PPP2R2B: variants seen among roughly 807,000 people sequenced by gnomAD.
PPP2R2B encodes serine/threonine-protein phosphatase 2A 55 kDa regulatory subunit B beta isoform.
In PPP2R2B, 5 loss-of-function variants were observed where a neutral mutation model predicts 46.0. The ratio of observed to expected loss-of-function variants is 0.11; its 90% confidence interval spans 0.06 to 0.23. The LOEUF is 0.23. PPP2R2B is among the 10% of genes least tolerant of loss of function. PPP2R2B has a pLI of 1.00. For missense variants in PPP2R2B, 367 were observed against 575.0 expected, an observed-to-expected ratio of 0.64 and a Z score of 3.70; for synonymous variants, 215 against 206.7, an observed-to-expected ratio of 1.04 and a Z score of -0.34.
intron 2 of PPP2R2B, among the ~76,000 whole-genome samples, chr5:146,866,521 A>C (rs1039284257): frequency 5.9e-5 from 9 of 152,220 alleles, no homozygotes; most frequent in African/African-American, 2.2e-4. Context: ...TGGATAAACA[A>C]TGGTGAATAA....
At chr5:146,688,886 C>A (rs1439583237) in intron 5 of PPP2R2B, among the ~76,000 whole-genome samples, 1 of 152,106 alleles carries the variant, frequency 6.6e-6, no homozygotes, top group East Asian at 1.9e-4. Flanking sequence ...ACGGTATAAA[C>A]TCTACGTGGC....
At chr5:146,659,559 G>A (rs143178421) in intron 5 of PPP2R2B, among the ~76,000 whole-genome samples, 7 of 152,250 alleles carry the variant, frequency 4.6e-5, no homozygotes, top group African/African-American at 7.2e-5. Flanking sequence ...AACTTAGCAT[G>A]ACGATTGACA....
intron 5 of PPP2R2B, among the ~76,000 whole-genome samples, chr5:146,681,489 G>T (rs747216615): frequency 6.6e-6 from 1 of 152,052 alleles, no homozygotes; most frequent in Non-Finnish European, 1.5e-5. Context: ...GACCTGGTGT[G>T]GGCTGAATGT....
At chr5:146,890,759 C>G (rs1208849466) in intron 1 of PPP2R2B, among the ~76,000 whole-genome samples, 4 of 152,068 alleles carry the variant, frequency 2.6e-5, no homozygotes, top group Non-Finnish European at 4.4e-5. Flanking sequence ...AAGGACTGAA[C>G]AAAGGATGAA....
intron 2 of PPP2R2B, among the ~76,000 whole-genome samples, chr5:146,800,945 C>CAT (rs60522338): frequency 3.3e-5 from 5 of 150,870 alleles, no homozygotes; most frequent in African/African-American, 4.9e-5. Context: ...CACACACACA[C>CAT]ATATACACAC....
At chr5:147,041,335 T>C (rs1428684655) in intron 1 of PPP2R2B, among the ~76,000 whole-genome samples, 1 of 152,138 alleles carries the variant, frequency 6.6e-6, no homozygotes, top group Non-Finnish European at 1.5e-5. Context: ...AGGGAGAAAA[T>C]TGACATTGTT....
At chr5:146,809,335 C>G (rs1757385809) in intron 2 of PPP2R2B, among the ~76,000 whole-genome samples, 1 of 152,080 alleles carries the variant, frequency 6.6e-6, no homozygotes, top group Non-Finnish European at 1.5e-5. Flanking sequence ...TGAAGCCCAA[C>G]TTTAATTTCT....
chr5:146,726,083 T>C (rs1321858703), intron 2 of PPP2R2B, among the ~76,000 whole-genome samples: 1 of 152,142 alleles, frequency 6.6e-6, no homozygotes, highest in Non-Finnish European at 1.5e-5. Flanking sequence ...GGAGCCTTGA[T>C]CATTACTTGT....
chr5:147,076,256 G>A (rs1757763438), intron 2 of PPP2R2B, among the ~76,000 whole-genome samples: 1 of 151,950 alleles, frequency 6.6e-6, no homozygotes, highest in Non-Finnish European at 1.5e-5. Flanking sequence ...CCTATATATT[G>A]TTAAGTAAAA....
intron 7 of PPP2R2B, among the ~76,000 whole-genome samples, chr5:146,629,932 G>C (rs1306274772): frequency 6.6e-6 from 1 of 152,100 alleles, no homozygotes; most frequent in Non-Finnish European, 1.5e-5. Context: ...TCCTACCTCA[G>C]CCTCCTGAGT....
At chr5:147,019,895 G>A (rs146326071) in intron 1 of PPP2R2B, among the ~76,000 whole-genome samples, 44 of 152,248 alleles carry the variant, frequency 2.9e-4, no homozygotes, top group African/African-American at 8.2e-4. Context: ...CTCAGATCTC[G>A]TTTCAAGGAA....
At chr5:146,717,633 G>A (rs1780568589) in intron 2 of PPP2R2B, among the ~76,000 whole-genome samples, 1 of 152,248 alleles carries the variant, frequency 6.6e-6, no homozygotes, top group East Asian at 1.9e-4. Context: ...ACAGTAAAAT[G>A]TACTAGACAC....
intron 2 of PPP2R2B, among the ~76,000 whole-genome samples, chr5:146,858,866 A>T (rs1006376887): frequency 6.6e-6 from 1 of 152,204 alleles, no homozygotes; most frequent in Admixed American, 6.5e-5. Context: ...GGCAAGAGTA[A>T]CAATGAGTGA....
chr5:146,762,794 G>T (rs1754243893), intron 2 of PPP2R2B, among the ~76,000 whole-genome samples: 1 of 152,202 alleles, frequency 6.6e-6, no homozygotes, highest in African/African-American at 2.4e-5. Flanking sequence ...AATTGTTGTG[G>T]TCAAGAGGCT....
intron 4 of PPP2R2B, 39 bp downstream of exon 4, chr5:146,697,940 A>G (rs1227468771): frequency 6.3e-7 from 1 of 1,576,168 alleles, no homozygotes; most frequent in East Asian, 2.3e-5. Context: ...AGTTTGGCCG[A>G]CTGTATCTCT....
chr5:146,988,901 CAG>C (rs1275259481), intron 1 of PPP2R2B, among the ~76,000 whole-genome samples: 1 of 151,648 alleles, frequency 6.6e-6, no homozygotes, highest in Non-Finnish European at 1.5e-5. Context: ...TAAATAAAAA[CAG>C]AAATGAAAAA....
chr5:146,806,474 A>G (rs1161008908), intron 2 of PPP2R2B, among the ~76,000 whole-genome samples: 5 of 152,188 alleles, frequency 3.3e-5, no homozygotes, highest in African/African-American at 9.7e-5. Context: ...TGTAATATAA[A>G]AAAAAGAAAA....
At chr5:146,909,959 C>T (rs1763122852) in intron 1 of PPP2R2B, among the ~76,000 whole-genome samples, 1 of 152,212 alleles carries the variant, frequency 6.6e-6, no homozygotes, top group East Asian at 1.9e-4. Context: ...TATCTAATTG[C>T]AGCTAGAAGA....
chr5:146,827,999 A>G (rs1467358330), intron 2 of PPP2R2B, among the ~76,000 whole-genome samples: 1 of 148,718 alleles, frequency 6.7e-6, no homozygotes, highest in Non-Finnish European at 1.5e-5. Flanking sequence ...GGCCTAGTTG[A>G]AGAGAGAGAG....
Sources: allele counts gnomAD v4.1 joint callset (sites outside exome capture counted in the v4.1 genomes callset), GRCh38; gene constraint gnomAD v4.1.1; transcripts MANE v1.5; gene names NCBI Gene and HGNC (gene_info 2026-07-23, HGNC 2026-07-21).